SEMA3A: variants seen among roughly 807,000 people sequenced by gnomAD.
SEMA3A encodes the protein semaphorin 3A.
SEMA3A carries 29 observed loss-of-function variants against 97.9 expected under a neutral mutation model. The ratio of observed to expected loss-of-function variants is 0.30; its 90% CI spans 0.22 to 0.40. The LOEUF (loss-of-function observed/expected upper bound fraction) is 0.40, where lower values mean the gene tolerates loss of function less well. Ranked by LOEUF, SEMA3A falls within the 10% of genes least tolerant of loss-of-function variation. The pLI, the probability that SEMA3A is intolerant of heterozygous loss-of-function variation, is 1.00. For synonymous variants in SEMA3A, 321 were observed against 323.7 expected (o/e 0.99, Z 0.09); for missense variants, 763 against 951.3 (o/e 0.80, Z 2.60).
Position 84,213,783 on chromosome 7 carries a change from T to A in SEMA3A, c.-82-19115A>T, listed in dbSNP as rs116187562. 7.3e-3 allele frequency among the ~76,000 whole-genome samples: 1,115 copies of A among 152,334 alleles called. 11 individuals carry two copies. Among genetic ancestry groups the A allele is most frequent in the African/African-American group, 0.025 (1,039 of 41,578 alleles). ...TAATACTGGCTTAAAAAGCATTATT[T>A]ATTAATTTATTATGCTTGTCTTAAT... On this transcript the variant is annotated intron_variant, in intron 3 of 3. Coordinates refer to the SEMA3A transcript ENST00000424555.
chr7:84,046,260 G>C, intron 6 of SEMA3A, 64 bp downstream of exon 6: 1 of 1,571,928 alleles, frequency 6.4e-7, no homozygotes, highest in Non-Finnish European at 8.7e-7. Flanking sequence ...CTGTAAAAGA[G>C]TTCTCTAGTA....
chr7:84,100,271 A>T (rs1034179968), intron 4 of SEMA3A, among the ~76,000 whole-genome samples: 1 of 152,146 alleles, frequency 6.6e-6, no homozygotes, highest in Non-Finnish European at 1.5e-5. Context: ...GGAGAAAAAA[A>T]TCACTCCGAC....
intron 1 of SEMA3A, among the ~76,000 whole-genome samples, chr7:84,444,624 C>T (rs373371731): frequency 6.7e-6 from 1 of 149,582 alleles, no homozygotes; most frequent in South Asian, 2.1e-4. Context: ...TACAGTGACG[C>T]GATCTCGGCT....
At chr7:84,291,027 G>A (rs1240001929) in intron 3 of SEMA3A, among the ~76,000 whole-genome samples, 2 of 151,972 alleles carry the variant, frequency 1.3e-5, no homozygotes, top group African/African-American at 4.8e-5. Context: ...ATTAAAAACT[G>A]GACTGTAAGA....
chr7:84,221,386 C>T (rs1005451074), intron 3 of SEMA3A, among the ~76,000 whole-genome samples: 3 of 152,098 alleles, frequency 2.0e-5, no homozygotes, highest in African/African-American at 7.2e-5. Flanking sequence ...AGGAGTAGCA[C>T]TTTTGAATTT....
rs554761292 is a variant in SEMA3A at position 84,151,425 on chromosome 7, G to A, written c.113-16474C>T. ...CTGATGGAGCTGAAAACCAAGGCTC[G>A]AGAACTACATGAAGAATGCAGAAGC... On this transcript the variant is annotated intron_variant, in intron 1 of 16. Transcript: ENST00000265362. Among the ~76,000 whole-genome samples, 3 of 151,706 alleles carry A rather than the reference G, an allele frequency of 2.0e-5. No homozygotes were observed. In the South Asian group the frequency reaches 6.3e-4, roughly 32 times the overall value.
rs1270717580 is a variant in SEMA3A at position 84,025,889 on chromosome 7, C to T, written c.668-11538G>A. On this transcript the variant is annotated intron_variant, in intron 6 of 16. Transcript: ENST00000265362. ...AACAAGAGCCGAGTTCCTTCTACTG[C>T]CTCAAGCTACATGGAGTGTTTGCAC... 2.0e-5 allele frequency among the ~76,000 whole-genome samples: 3 copies of T among 152,178 alleles called. No individual in the cohort carries two copies. The East Asian group carries it at 5.8e-4, about 29-fold the overall frequency.
At chr7:84,405,760 T>G (rs1351617492) in intron 1 of SEMA3A, among the ~76,000 whole-genome samples, 2 of 152,120 alleles carry the variant, frequency 1.3e-5, no homozygotes, top group African/African-American at 4.8e-5. Context: ...ACCACTCAAC[T>G]ACATGGAAAC....
intron 1 of SEMA3A, among the ~76,000 whole-genome samples, chr7:84,471,192 A>C (rs191040463): frequency 6.6e-6 from 1 of 152,220 alleles, no homozygotes; most frequent in South Asian, 2.1e-4. Flanking sequence ...CTTGATCATA[A>C]GCATTAATCC....
At chr7:84,129,378 T>C (rs968739790) in intron 2 of SEMA3A, among the ~76,000 whole-genome samples, 193 bp from the exon 3 acceptor site, 7 of 152,206 alleles carry the variant, frequency 4.6e-5, no homozygotes, top group African/African-American at 1.4e-4. Flanking sequence ...TGATTCTCCA[T>C]CTACCCAATA....
At chr7:84,208,604 A>T (rs1798555403) in intron 3 of SEMA3A, among the ~76,000 whole-genome samples, 10 of 152,238 alleles carry the variant, frequency 6.6e-5, no homozygotes, top group Admixed American at 6.5e-4. Context: ...ATAAAAGATA[A>T]TTACTGTTAT....
At chr7:84,437,429 G>C (rs1187988309) in intron 1 of SEMA3A, among the ~76,000 whole-genome samples, 1 of 151,922 alleles carries the variant, frequency 6.6e-6, no homozygotes, top group Non-Finnish European at 1.5e-5. Context: ...TTGTTATTAA[G>C]ATAGTCTTAA....
At chr7:83,980,953 T>C (rs1205348838) in intron 14 of SEMA3A, among the ~76,000 whole-genome samples, 1 of 152,054 alleles carries the variant, frequency 6.6e-6, no homozygotes, top group African/African-American at 2.4e-5. Flanking sequence ...TAAAGGAAAA[T>C]AAATTCCTTT....
At chr7:84,203,890 G>A (rs1385014797) in intron 3 of SEMA3A, among the ~76,000 whole-genome samples, 1 of 151,996 alleles carries the variant, frequency 6.6e-6, no homozygotes, top group Non-Finnish European at 1.5e-5. Flanking sequence ...GTATTGGAGT[G>A]TAGGCCATGG....
At chr7:84,108,846 A>G (rs981485674) in intron 4 of SEMA3A, among the ~76,000 whole-genome samples, 1 of 148,628 alleles carries the variant, frequency 6.7e-6, no homozygotes, top group Non-Finnish European at 1.5e-5. Flanking sequence ...CAGAGGTTGC[A>G]GTGAGCCCAG....
Position 83,959,731 on chromosome 7 carries a change from A to C in SEMA3A, c.*1640T>G, listed in dbSNP as rs1788391217. ...AATGTTGCTTCATTAATTACTAATA[A>C]GATGTTTTCTTTGCATTTTTGTGCA... On this transcript the variant is annotated 3_prime_UTR_variant, in exon 17 of 17. Transcript: ENST00000265362. 6.6e-6 allele frequency: 1 copy of C among 152,116 alleles called. No individual in the cohort carries two copies. Among genetic ancestry groups the C allele is most frequent in the African/African-American group, 2.4e-5 (1 of 41,460 alleles). The allele number at this position is 152,116 out of a possible 1,614,324, so 9.4% of individuals were successfully genotyped here. A position where few individuals can be genotyped will look rare whatever the true frequency, so the allele number is the denominator to read the frequency against.
intron 3 of SEMA3A, among the ~76,000 whole-genome samples, chr7:84,204,093 A>C (rs1798428199): frequency 6.6e-6 from 1 of 152,200 alleles, no homozygotes; most frequent in South Asian, 2.1e-4. Flanking sequence ...TATGTTACTC[A>C]TATAGATAAT....
intron 2 of SEMA3A, among the ~76,000 whole-genome samples, chr7:84,331,831 G>A (rs1235853848): frequency 6.6e-6 from 1 of 152,118 alleles, no homozygotes; most frequent in Admixed American, 6.6e-5. Context: ...CAGAAAAGGG[G>A]GAAATGGAAG....
chr7:84,159,797 T>C (rs1796970492), intron 1 of SEMA3A, among the ~76,000 whole-genome samples: 1 of 152,204 alleles, frequency 6.6e-6, no homozygotes, highest in African/African-American at 2.4e-5. Flanking sequence ...AAAGATCCAA[T>C]TTTGCCATTA....
Sources: allele counts gnomAD v4.1 joint callset (sites outside exome capture counted in the v4.1 genomes callset), GRCh38; gene constraint gnomAD v4.1.1; transcripts MANE v1.5; gene names NCBI Gene and HGNC (gene_info 2026-07-23, HGNC 2026-07-21).